The following CAMK1D variants were observed in gnomAD, a reference collection of about 807,000 sequenced individuals.
CAMK1D encodes calcium/calmodulin-dependent protein kinase type 1D.
In CAMK1D, 9 loss-of-function variants were observed where a neutral mutation model predicts 47.7. The ratio of observed to expected loss-of-function variants is 0.19; its 90% CI spans 0.11 to 0.33. The LOEUF (loss-of-function observed/expected upper bound fraction) is 0.33. Among genes scored for constraint, CAMK1D ranks in the 10% least tolerant of loss-of-function variants. The pLI is 1.00. For synonymous variants in CAMK1D, 184 were observed against 184.9 expected, an observed-to-expected ratio of 0.99 and a Z score of 0.04; for missense variants, 291 against 488.7, an observed-to-expected ratio of 0.60 and a Z score of 3.81.
chr10:12,491,005 T>A (rs1171038206), intron 1 of CAMK1D, among the ~76,000 whole-genome samples: 1 of 152,068 alleles, frequency 6.6e-6, no homozygotes, highest in East Asian at 1.9e-4. Flanking sequence ...CATGTATAGG[T>A]GGGAATTTCT....
At chr10:12,430,102 C>T (rs1267224579) in intron 1 of CAMK1D, among the ~76,000 whole-genome samples, 1 of 152,050 alleles carries the variant, frequency 6.6e-6, no homozygotes, top group Non-Finnish European at 1.5e-5. Flanking sequence ...ACACTTACAT[C>T]CCCCACTGCC....
At chr10:12,766,361 C>CTTTTTTT (rs61097569) in intron 4 of CAMK1D, among the ~76,000 whole-genome samples, 3 of 103,336 alleles carry the variant, frequency 2.9e-5, no homozygotes, top group African/African-American at 3.8e-5. Flanking sequence ...TTGCCTGTTT[C>CTTTTTTT]TTTTTTTTTT....
intron 3 of CAMK1D, among the ~76,000 whole-genome samples, chr10:12,711,053 C>T (rs1168043702): frequency 6.6e-6 from 1 of 152,176 alleles, no homozygotes; most frequent in Admixed American, 6.5e-5. Flanking sequence ...ATAGAGCTCC[C>T]AGTCATGAAA....
intron 2 of CAMK1D, among the ~76,000 whole-genome samples, chr10:12,597,912 A>G (rs1838192102): frequency 6.6e-6 from 1 of 152,218 alleles, no homozygotes; most frequent in African/African-American, 2.4e-5. Flanking sequence ...TGGTGTTGGC[A>G]TCGTTATCAA....
At position 12,660,731 on chromosome 10, in the gene CAMK1D, G is replaced by T. The variant is rs961959640; in HGVS notation, c.225-6005G>T. On this transcript the variant is annotated intron_variant, in intron 2 of 10. Transcript: ENST00000619168. Reference sequence around the variant, plus strand: ...AGATGTGTCAGCTCATGCTTACTTTGGGCCTGGTAAATGATAAGTGATGAA... The same window carrying T: ...AGATGTGTCAGCTCATGCTTACTTTTGGCCTGGTAAATGATAAGTGATGAA... Among the ~76,000 whole-genome samples the T allele has an allele frequency of 2.6e-5, 4 of 152,132 alleles. No homozygotes were observed. In the South Asian group the frequency reaches 6.2e-4, roughly 24 times the overall value.
chr10:12,428,462 C>G (rs1840326402), intron 1 of CAMK1D, among the ~76,000 whole-genome samples: 1 of 152,254 alleles, frequency 6.6e-6, no homozygotes, highest in East Asian at 1.9e-4. Context: ...CTCAAGGTGC[C>G]CGTTTCTCTC....
intron 2 of CAMK1D, among the ~76,000 whole-genome samples, chr10:12,615,067 C>T (rs1838740690): frequency 6.6e-6 from 1 of 152,136 alleles, no homozygotes; most frequent in Non-Finnish European, 1.5e-5. Flanking sequence ...GACTGATAAT[C>T]CATTCTGAGG....
chr10:12,646,915 C>T (rs1477759620), intron 2 of CAMK1D, among the ~76,000 whole-genome samples: 1 of 151,994 alleles, frequency 6.6e-6, no homozygotes. Flanking sequence ...GATTTCGGCT[C>T]ACTGCAATTT....
chr10:12,602,343 A>G (rs1002892040), intron 2 of CAMK1D, among the ~76,000 whole-genome samples: 6 of 152,080 alleles, frequency 3.9e-5, no homozygotes, highest in Non-Finnish European at 8.8e-5. Context: ...TGGGATGACA[A>G]GTGTGAGCCA....
chr10:12,523,185 C>T (rs1295355894), intron 1 of CAMK1D, among the ~76,000 whole-genome samples: 13 of 149,906 alleles, frequency 8.7e-5, no homozygotes, highest in South Asian at 8.5e-4. Context: ...ACATCCCAGA[C>T]GGGGCGGTGG....
chr10:12,583,804 T>C (rs1430939711), intron 2 of CAMK1D, among the ~76,000 whole-genome samples: 1 of 152,082 alleles, frequency 6.6e-6, no homozygotes, highest in Non-Finnish European at 1.5e-5. Flanking sequence ...TTTCACCACG[T>C]TGGCCAGGAT....
chr10:12,779,894 C>A (rs1837417814), intron 5 of CAMK1D, among the ~76,000 whole-genome samples: 2 of 152,172 alleles, frequency 1.3e-5, no homozygotes, highest in African/African-American at 4.8e-5. Flanking sequence ...AGACCTGCAC[C>A]TTGATGCTTT....
chr10:12,469,042 C>A (rs551659693), intron 1 of CAMK1D, among the ~76,000 whole-genome samples: 1 of 151,984 alleles, frequency 6.6e-6, no homozygotes, highest in Non-Finnish European at 1.5e-5. Flanking sequence ...ATCAAGTGAA[C>A]GGCTCCACAG....
chr10:12,380,679 A>T (rs1008676649), intron 1 of CAMK1D, among the ~76,000 whole-genome samples: 1 of 152,114 alleles, frequency 6.6e-6, no homozygotes, highest in Admixed American at 6.5e-5. Context: ...ACACGGTGAA[A>T]CCCCATCTCT....
At chr10:12,592,581 C>T (rs9787463) in intron 2 of CAMK1D, among the ~76,000 whole-genome samples, 7,795 of 152,212 alleles carry the variant, frequency 0.051, 517 homozygotes, top group East Asian at 0.25. Flanking sequence ...GTCCAACTGA[C>T]GTTTTCTCAG....
chr10:12,370,218 A>G (rs1341585089), intron 1 of CAMK1D, among the ~76,000 whole-genome samples: 2 of 152,054 alleles, frequency 1.3e-5, no homozygotes, highest in Non-Finnish European at 2.9e-5. Context: ...GGTGCCATGG[A>G]TTACTCACAT....
At chr10:12,580,922 C>T (rs1433685485) in intron 2 of CAMK1D, among the ~76,000 whole-genome samples, 1 of 152,092 alleles carries the variant, frequency 6.6e-6, no homozygotes, top group Non-Finnish European at 1.5e-5. Context: ...TTTGGGGGAA[C>T]AGGTGGTGTT....
rs555485360 is a variant in CAMK1D at position 12,516,715 on chromosome 10, T to C, written c.93-36510T>C. On this transcript the variant is annotated intron_variant, in intron 1 of 10. Transcript: ENST00000619168. ...CATGTAGTGATATCTCACTATGGTATGAATTTTCAATTCCCTAATAACTTA... is the reference window on the plus strand; with the variant it reads ...CATGTAGTGATATCTCACTATGGTACGAATTTTCAATTCCCTAATAACTTA... 9.8e-5 allele frequency among the ~76,000 whole-genome samples: 15 copies of C among 152,374 alleles called. No homozygotes were observed. The South Asian group carries it at 2.7e-3, about 27-fold the overall frequency.
At chr10:12,387,394 ATATTTT>A (rs1189737373) in intron 1 of CAMK1D, among the ~76,000 whole-genome samples, 15 of 45,098 alleles carry the variant, frequency 3.3e-4, no homozygotes, top group East Asian at 1.1e-3. Context: ...TATATATTAT[ATATTTT>A]TATATATTAT....
Sources: gnomAD v4.1 joint callset for allele counts (sites outside exome capture counted in the v4.1 genomes callset) on GRCh38, gnomAD v4.1.1 for gene constraint, MANE v1.5 for transcripts, NCBI Gene and HGNC (gene_info 2026-07-23, HGNC 2026-07-21) for gene names.